MUC6: variants seen among roughly 807,000 people sequenced by gnomAD.
MUC6 encodes mucin-6.
In MUC6, 188 loss-of-function variants were observed where a neutral mutation model predicts 201.5. The ratio of observed to expected loss-of-function variants is 0.93; its 90% CI spans 0.83 to 1.05. The LOEUF (loss-of-function observed/expected upper bound fraction) is 1.05. Ranked by LOEUF, MUC6 falls within the 50% of genes least tolerant of loss-of-function variation. The probability of loss-of-function intolerance (pLI) is 0.00; values close to 1 mark genes in which losing one functional copy is unlikely to be tolerated. For synonymous variants in MUC6, 1,228 were observed against 1,389.4 expected (o/e 0.88, Z 2.58); for missense variants, 2,706 against 3,256.9 (o/e 0.83, Z 4.12).
In MUC6 at chr11:1,019,372, C is replaced by T. The variant is rs370204637; in HGVS notation, c.3933G>A (p.Ser1311=). The change falls in exon 30 of 33, where the codon TCG becomes TCA. Residue 1311 remains serine (S), a synonymous_variant. Coordinates refer to ENST00000421673, the MANE Select transcript of MUC6 (RefSeq NM_005961.3). ...VTQATTRATA[S]TASPATTSTA... Reference sequence around the variant, plus strand: ...TGGACGTCGTGGCTGGGCTGGCGGTCGACGCCGTGGCCCTGGTTGTGGCCT... The same window carrying T: ...TGGACGTCGTGGCTGGGCTGGCGGTTGACGCCGTGGCCCTGGTTGTGGCCT... 339 of 1,613,512 alleles carry T rather than the reference C, an allele frequency of 2.1e-4. No homozygotes were observed. The highest frequency in any genetic ancestry group is 2.7e-4 in the Non-Finnish European group (320 of 1,179,724).
chr11:1,032,484 G>A (rs1312738596), intron 2 of MUC6, among the ~76,000 whole-genome samples: 4 of 151,512 alleles, frequency 2.6e-5, no homozygotes, highest in South Asian at 2.1e-4. Flanking sequence ...CATGTGTGTC[G>A]AGTGCATGTG....
Position 1,028,670 on chromosome 11 carries a change from G to T in MUC6, c.1567C>A (p.Pro523Thr), listed in dbSNP as rs1249912577. The stretch of plus-strand genomic sequence containing the variant: ...CCTCTGGTCTGACCTCTGAACTGGG[G>T]CCCAACAGTGACATAGGCCTGGAAG... ...PIFQAYVTVG[P>T]QFRGQTRGLC... Residue 523 changes from proline to threonine, a missense_variant, in exon 13 of 33, where the codon CCC becomes ACC. Pro to Thr is a conservative substitution (Grantham distance 38, BLOSUM62 -1). This residue lies in a region of MUC6 where 1,850 missense variants were observed against 1,958.3 expected (regional missense o/e 0.94). Coordinates refer to ENST00000421673, the MANE Select transcript of MUC6 (RefSeq NM_005961.3). 2 of 1,609,786 alleles carry T rather than the reference G, an allele frequency of 1.2e-6. No homozygotes were observed. The highest frequency in any genetic ancestry group is 1.7e-6 in the Non-Finnish European group (2 of 1,178,702).
intron 2 of MUC6, 55 bp downstream of exon 2, chr11:1,032,958 G>A: frequency 6.6e-7 from 1 of 1,510,984 alleles, no homozygotes; most frequent in African/African-American, 1.4e-5. Context: ...CCTCTCTCCT[G>A]CACACCGGGC....
In MUC6 at chr11:1,018,231, A is replaced by T. The variant is rs1856715290; in HGVS notation, c.4570T>A (p.Ser1524Thr). The T allele has an allele frequency of 1.9e-6, 3 of 1,613,822 alleles. No individual in the cohort carries two copies. In the East Asian group the frequency reaches 6.7e-5, roughly 36 times the overall value. ...SSFSTNKTPT[S>T]LHSHTSSTHH... ...GTGGAGGAAGTGTGTGAATGTAGCGAGGTAGGTGTTTTGTTTGTGCTGAAT... is the reference window on the plus strand; with the variant it reads ...GTGGAGGAAGTGTGTGAATGTAGCGTGGTAGGTGTTTTGTTTGTGCTGAAT... Residue 1524 changes from serine to threonine, a missense_variant, in exon 31 of 33, where the codon TCG (serine) becomes ACG (threonine). Physicochemically the swap from Ser to Thr is moderately conservative, Grantham distance 58 (BLOSUM62 1). Around this residue, in one of 10 missense-constraint regions of MUC6, gnomAD observed 128 missense variants for 206.5 expected, o/e 0.62. Transcript: ENST00000421673.
intron 31 of MUC6, among the ~76,000 whole-genome samples, chr11:1,014,644 A>T (rs1197724906): frequency 6.6e-6 from 1 of 152,088 alleles, no homozygotes; most frequent in East Asian, 1.9e-4. Context: ...GCCACTGGAG[A>T]GCGTGGGTTT....
chr11:1,026,383 C>G lies in MUC6; in HGVS notation c.2490G>C (p.Glu830Asp). Residue 830 changes from glutamate (E) to aspartate (D), a missense_variant, in exon 20 of 33, where the codon GAG becomes GAC. This residue lies in a region of MUC6 where 1,850 missense variants were observed against 1,958.3 expected (regional missense o/e 0.94). Transcript: ENST00000421673. ...CTCCAGGGTAGGAGACCCCCGAGAA[C>G]TCACATGGGCACTCCTCGGGGGGCA... ...QCVPPEECPC[E>D]FSGVSYPGGA... 6.2e-7 allele frequency: 1 copy of G among 1,607,434 alleles called. No individual in the cohort carries two copies. Among genetic ancestry groups the G allele is most frequent in the African/African-American group, 1.3e-5 (1 of 74,758 alleles).
In MUC6 at chr11:1,024,984, TCAC is replaced by T. The variant is rs1325313495; in HGVS notation, c.3082_3084del (p.Val1028del). 6.2e-7 allele frequency: 1 copy of T among 1,613,122 alleles called. No homozygotes were observed. The highest frequency in any genetic ancestry group is 8.5e-7 in the Non-Finnish European group (1 of 1,179,862). ...CACAGCGGGCTCTCCTTCCACGAGT[TCAC>T]CAACTCCAGCTCGCTGGATGCCACG... On this transcript the variant is annotated inframe_deletion, in exon 24 of 33. Transcript: ENST00000421673.
chr11:1,029,634 T>A lies in MUC6; in HGVS notation c.1016-19A>T, dbSNP rs1170820317. On this transcript the variant is annotated intron_variant, in intron 8 of 32. Transcript: ENST00000421673. The stretch of plus-strand genomic sequence containing the variant: ...ACCGTACCTGCAGGAGAGGGTCTTC[T>A]TGGGGCTTGGGTGGGACTGACTGCC... 1 of 1,555,002 alleles carries A rather than the reference T, an allele frequency of 6.4e-7. No homozygotes were observed. Among genetic ancestry groups the A allele is most frequent in the Non-Finnish European group, 8.7e-7 (1 of 1,146,758 alleles).
intron 8 of MUC6, 79 bp from the exon 9 acceptor site, chr11:1,029,694 C>G: frequency 1.4e-6 from 2 of 1,478,806 alleles, no homozygotes; most frequent in Non-Finnish European, 1.8e-6. Context: ...AGGGAGACGC[C>G]CCCTCCAGCC....
chr11:1,016,160 T>G lies in MUC6; in HGVS notation c.6641A>C (p.His2214Pro), dbSNP rs370134027. Residue 2214 changes from histidine to proline, a missense_variant, in exon 31 of 33, where the codon CAC becomes CCC. Physicochemically the swap from His to Pro is moderately conservative, Grantham distance 77. Coordinates refer to ENST00000421673, the MANE Select transcript of MUC6 (RefSeq NM_005961.3). ...GAGGGTGAAAGGAGAGGAGATAGTG[T>G]GGGGGAGAGTGGCCCTAATGGTAGT... ...ASTTIRATLP[H>P]TISSPFTLSA... is the part of the protein sequence containing the mutation. 1 of 1,612,304 alleles carries G rather than the reference T, an allele frequency of 6.2e-7. No individual in the cohort carries two copies. Among genetic ancestry groups the G allele is most frequent in the Non-Finnish European group, 8.5e-7 (1 of 1,179,502 alleles).
chr11:1,029,813 A>C (rs1021847375), intron 8 of MUC6, among the ~76,000 whole-genome samples, 198 bp from the exon 9 acceptor site: 7 of 152,000 alleles, frequency 4.6e-5, no homozygotes, highest in Non-Finnish European at 7.4e-5. Flanking sequence ...CTCCAGCTGC[A>C]CTTGCATTCG....
intron 30 of MUC6, 111 bp from the exon 31 acceptor site, chr11:1,018,881 G>C: frequency 7.2e-7 from 1 of 1,387,434 alleles, no homozygotes. Flanking sequence ...CTGTGCCTCT[G>C]TTCCTGTGAC....
rs1483315489 is a variant in MUC6 at position 1,019,937 on chromosome 11, GT to G, written c.3808+152del. On this transcript the variant is annotated intron_variant, in intron 29 of 32. Transcript: ENST00000421673. ...TAAAAGTTTTTCCGAAAAATCCCCA[GT>G]TTGGCTCCCAAGCATAGGAAGTTCT... 26 of 1,071,132 alleles carry G rather than the reference GT, an allele frequency of 2.4e-5. No individual in the cohort carries two copies. The Admixed American group carries it at 2.6e-4, about 11-fold the overall frequency. The allele number at this position is 1,071,132 out of a possible 1,614,324, so 66.4% of individuals were successfully genotyped here.
chr11:1,029,161 G>A lies in MUC6; in HGVS notation c.1276-11C>T. On this transcript the variant is annotated splice_polypyrimidine_tract_variant and intron_variant, in intron 10 of 32. Coordinates refer to ENST00000421673, the MANE Select transcript of MUC6 (RefSeq NM_005961.3). ...GGGAAGCTGGGGGCTCTGCGAGGGG[G>A]CGGGGCTCAGACACGGGTGGGGTCA... is the stretch of plus-strand genomic sequence containing the variant. The A allele has an allele frequency of 6.2e-7, 1 of 1,609,448 alleles. No homozygotes were observed. The highest frequency in any genetic ancestry group is 2.2e-5 in the East Asian group (1 of 44,728).
rs1237887997 is a variant in MUC6 at position 1,016,146 on chromosome 11, G to A, written c.6655C>T (p.Pro2219Ser). ...GGGAGTAGAGCAGAGAGGGTGAAAG[G>A]AGAGGAGATAGTGTGGGGGAGAGTG... ...RATLPHTISSPFTLSALLPIS... is the reference protein window; with the variant it reads ...RATLPHTISSSFTLSALLPIS... The change falls in exon 31 of 33, where the codon CCT becomes TCT. Residue 2219 changes from proline to serine, a missense_variant. Around this residue, in one of 10 missense-constraint regions of MUC6, gnomAD observed 586 missense variants for 488.0 expected, o/e 1.20. Coordinates refer to ENST00000421673, the MANE Select transcript of MUC6 (RefSeq NM_005961.3). 2 of 1,613,710 alleles carry A rather than the reference G, an allele frequency of 1.2e-6. No individual in the cohort carries two copies. The highest frequency in any genetic ancestry group is 2.2e-5 in the East Asian group (1 of 44,880).
At chr11:1,025,660 G>A in intron 22 of MUC6, 145 bp downstream of exon 22, 1 of 836,744 alleles carries the variant, frequency 1.2e-6, no homozygotes, top group Non-Finnish European at 1.9e-6. Flanking sequence ...GCCAGGGAGG[G>A]GCAGCAGGCA....
chr11:1,016,540 G>A lies in MUC6; in HGVS notation c.6261C>T (p.Phe2087=). The A allele has an allele frequency of 8.0e-7, 1 of 1,253,872 alleles. No individual in the cohort carries two copies. 77.7% of individuals were successfully genotyped at this position (1,253,872 alleles called of 1,614,324 possible). Residue 2087 remains phenylalanine, a synonymous_variant, in exon 31 of 33, where the codon TTC becomes TTT. Transcript: ENST00000421673. ...GAGGCAGCCAAGACGAGGAGGATAT[G>A]AAGGAAGAAGAGGCTGTAGCTGTGC... ...SFSTATASSS[F]ISSSSWLPQN...
In MUC6 at chr11:1,020,267, C is replaced by T. The variant is rs778444315; in HGVS notation, c.3641-10G>A. 18 of 1,596,298 alleles carry T rather than the reference C, an allele frequency of 1.1e-5. No individual in the cohort carries two copies. The highest frequency in any genetic ancestry group is 7.1e-5 in the Admixed American group (4 of 56,574). ...TGCGTGGGCCGTGAGCCTGGGTGGG[C>T]GGACATGCCATCAGGGCTGCAGGGT... On this transcript the variant is annotated splice_polypyrimidine_tract_variant and intron_variant, in intron 28 of 32. Coordinates refer to ENST00000421673, the MANE Select transcript of MUC6 (RefSeq NM_005961.3).
At chr11:1,025,397 T>G (rs1247981727) in intron 22 of MUC6, 30 bp from the exon 23 acceptor site, 1 of 1,594,388 alleles carries the variant, frequency 6.3e-7, no homozygotes, top group Non-Finnish European at 8.6e-7. Context: ...TAGGACTGCC[T>G]GTCTGTCTCC....
Sources: allele counts gnomAD v4.1 joint callset (sites outside exome capture counted in the v4.1 genomes callset), GRCh38; gene constraint gnomAD v4.1.1; regional missense constraint gnomAD v4.1.1; transcripts MANE v1.5; gene names NCBI Gene and HGNC (gene_info 2026-07-23, HGNC 2026-07-21).